Variants in WWOX observed in about 807,000 individuals in gnomAD.
The protein encoded by WWOX is WW domain containing oxidoreductase.
In WWOX, 69 loss-of-function variants were observed where a neutral mutation model predicts 46.2. That is an observed-to-expected ratio of 1.49 (90% confidence interval 1.23 to 1.82). The LOEUF (loss-of-function observed/expected upper bound fraction) is 1.82. Ranked by LOEUF, WWOX falls within the 40% of genes most tolerant of loss-of-function variation. The pLI is 0.00. For synonymous variants in WWOX, 359 were observed against 202.6 expected, an observed-to-expected ratio of 1.77 and a Z score of -6.56; for missense variants, 919 against 542.6, an observed-to-expected ratio of 1.69 and a Z score of -6.89.
intron 6 of WWOX, among the ~76,000 whole-genome samples, chr16:78,423,740 G>A (rs1360265824): frequency 6.6e-6 from 1 of 151,822 alleles, no homozygotes; most frequent in African/African-American, 2.4e-5. Context: ...CAGTTACTCG[G>A]GAGGCTAAGG....
chr16:78,875,664 T>G (rs780242141), intron 8 of WWOX, among the ~76,000 whole-genome samples: 1 of 152,172 alleles, frequency 6.6e-6, no homozygotes, highest in Non-Finnish European at 1.5e-5. Context: ...CTTAGAAAGA[T>G]GGAGGCAAAC....
At chr16:78,329,381 A>G (rs373120313) in intron 5 of WWOX, among the ~76,000 whole-genome samples, 27 of 152,318 alleles carry the variant, frequency 1.8e-4, no homozygotes, top group African/African-American at 6.5e-4. Context: ...GTTTCTTAGA[A>G]CAACCTCCAC....
intron 5 of WWOX, among the ~76,000 whole-genome samples, chr16:78,244,210 G>T (rs985454772): frequency 1.3e-5 from 2 of 152,218 alleles, no homozygotes; most frequent in East Asian, 1.9e-4. Flanking sequence ...CCCGATGGGG[G>T]TTAAATAAAA....
intron 8 of WWOX, among the ~76,000 whole-genome samples, chr16:78,696,038 C>T (rs1363986752): frequency 1.6e-4 from 24 of 152,122 alleles, no homozygotes; most frequent in Admixed American, 1.2e-3. Flanking sequence ...CTGTAGGCTG[C>T]AGTCTGTGTT....
intron 8 of WWOX, among the ~76,000 whole-genome samples, chr16:78,821,345 A>C (rs1425903628): frequency 1.3e-5 from 2 of 152,084 alleles, no homozygotes; most frequent in Non-Finnish European, 1.5e-5. Flanking sequence ...AGCGCCCCCC[A>C]GCCCCCACCC....
At chr16:78,984,206 T>C (rs1282474469) in intron 8 of WWOX, among the ~76,000 whole-genome samples, 1 of 152,054 alleles carries the variant, frequency 6.6e-6, no homozygotes, top group Non-Finnish European at 1.5e-5. Flanking sequence ...TTTTATTTGC[T>C]TTGAGTCCGG....
chr16:78,569,824 A>G (rs565774314), intron 8 of WWOX, among the ~76,000 whole-genome samples: 12 of 152,192 alleles, frequency 7.9e-5, no homozygotes, highest in Non-Finnish European at 1.3e-4. Flanking sequence ...AGCTGCTAAT[A>G]AACCATATTC....
chr16:79,036,572 A>G (rs2047870897), intron 8 of WWOX, among the ~76,000 whole-genome samples: 1 of 152,162 alleles, frequency 6.6e-6, no homozygotes, highest in African/African-American at 2.4e-5. Flanking sequence ...TCTTGGCTTA[A>G]TGTGGGAGAA....
At chr16:79,052,330 A>T (rs2048184019) in intron 8 of WWOX, among the ~76,000 whole-genome samples, 1 of 152,020 alleles carries the variant, frequency 6.6e-6, no homozygotes, top group Non-Finnish European at 1.5e-5. Flanking sequence ...GACAGTGATG[A>T]TTTCCAATTT....
At chr16:79,177,404 C>T (rs1301849762) in intron 8 of WWOX, among the ~76,000 whole-genome samples, 1 of 151,998 alleles carries the variant, frequency 6.6e-6, no homozygotes, top group South Asian at 2.1e-4. Context: ...TTTGGATATG[C>T]ATTTATCCAA....
At chr16:78,709,342 T>C (rs1302911616) in intron 8 of WWOX, among the ~76,000 whole-genome samples, 1 of 152,208 alleles carries the variant, frequency 6.6e-6, no homozygotes, top group Admixed American at 6.5e-5. Flanking sequence ...AGAAGCTTGT[T>C]GGAGTTGTCT....
intron 4 of WWOX, among the ~76,000 whole-genome samples, chr16:78,152,828 G>A (rs1391363793): frequency 6.6e-6 from 1 of 152,196 alleles, no homozygotes; most frequent in East Asian, 1.9e-4. Context: ...ACTGCCCAAA[G>A]CATGCAGATG....
At chr16:78,861,875 G>A (rs553890255) in intron 8 of WWOX, among the ~76,000 whole-genome samples, 20 of 152,164 alleles carry the variant, frequency 1.3e-4, no homozygotes, top group Non-Finnish European at 2.2e-4. Flanking sequence ...TTCTATTCAA[G>A]GTTGTAATAT....
At chr16:78,776,585 G>A (rs1305169614) in intron 8 of WWOX, among the ~76,000 whole-genome samples, 1 of 152,136 alleles carries the variant, frequency 6.6e-6, no homozygotes, top group Admixed American at 6.5e-5. Flanking sequence ...AACAGATTTG[G>A]AGTGAGGATG....
At chr16:79,104,117 G>C (rs1207149934) in intron 8 of WWOX, among the ~76,000 whole-genome samples, 1 of 150,244 alleles carries the variant, frequency 6.7e-6, no homozygotes, top group Non-Finnish European at 1.5e-5. Context: ...TTTCAGCCCT[G>C]GGAGGCTCTA....
intron 8 of WWOX, among the ~76,000 whole-genome samples, chr16:78,928,192 C>G (rs1040066687): frequency 1.3e-4 from 19 of 150,632 alleles, no homozygotes; most frequent in Non-Finnish European, 2.7e-4. Flanking sequence ...ATGCTTTTCC[C>G]TACCACTTTT....
intron 8 of WWOX, among the ~76,000 whole-genome samples, chr16:78,908,201 T>C (rs945171276): frequency 3.9e-5 from 6 of 152,242 alleles, no homozygotes; most frequent in African/African-American, 1.4e-4. Flanking sequence ...CCTTGCCCGC[T>C]GCCTAAGCAA....
chr16:78,910,970 G>A (rs902308809), intron 8 of WWOX, among the ~76,000 whole-genome samples: 1 of 151,966 alleles, frequency 6.6e-6, no homozygotes, highest in Middle Eastern at 3.2e-3. Context: ...AAAATAATGT[G>A]TTGTGCACAA....
At chr16:78,142,374 T>A (rs1183652117) in intron 4 of WWOX, among the ~76,000 whole-genome samples, 1 of 152,234 alleles carries the variant, frequency 6.6e-6, no homozygotes, top group Non-Finnish European at 1.5e-5. Flanking sequence ...CAGGAACTCC[T>A]CAGCCAAATG....
Sources: allele counts gnomAD v4.1 joint callset (sites outside exome capture counted in the v4.1 genomes callset), GRCh38; gene constraint gnomAD v4.1.1; transcripts MANE v1.5; gene names NCBI Gene and HGNC (gene_info 2026-07-23, HGNC 2026-07-21).